GPR158: variants seen among roughly 807,000 people sequenced by gnomAD.
The protein encoded by GPR158 is metabotropic glycine receptor.
In GPR158, 30 loss-of-function variants were observed where a neutral mutation model predicts 78.2. The ratio of observed to expected loss-of-function variants is 0.38; its 90% confidence interval spans 0.29 to 0.52. The LOEUF is 0.52. Among genes scored for constraint, GPR158 ranks in the 20% least tolerant of loss-of-function variants. The probability of loss-of-function intolerance (pLI) is 0.83; values close to 1 mark genes in which losing one functional copy is unlikely to be tolerated. For synonymous variants in GPR158, 581 were observed against 591.1 expected, an observed-to-expected ratio of 0.98 and a Z score of 0.25; for missense variants, 1,463 against 1,523.5, an observed-to-expected ratio of 0.96 and a Z score of 0.66.
intron 1 of GPR158, among the ~76,000 whole-genome samples, chr10:25,185,415 G>A (rs942571338): frequency 2.6e-5 from 4 of 152,052 alleles, no homozygotes; most frequent in African/African-American, 9.7e-5. Flanking sequence ...ATGTCATCAG[G>A]GCTCAAAAAG....
At chr10:25,555,772 A>G (rs1382001791) in intron 6 of GPR158, among the ~76,000 whole-genome samples, 1 of 148,632 alleles carries the variant, frequency 6.7e-6, no homozygotes, top group Non-Finnish European at 1.5e-5. Flanking sequence ...TTTTTTTTGT[A>G]CTATGTTTCA....
intron 9 of GPR158, among the ~76,000 whole-genome samples, chr10:25,596,412 C>A (rs1291678385): frequency 6.6e-6 from 1 of 151,970 alleles, no homozygotes; most frequent in Admixed American, 6.6e-5. Context: ...CGTGCTATGA[C>A]CATGCCTGTG....
intron 2 of GPR158, among the ~76,000 whole-genome samples, chr10:25,361,522 A>G (rs143478637): frequency 2.6e-5 from 4 of 152,096 alleles, no homozygotes; most frequent in Admixed American, 2.0e-4. Flanking sequence ...ACTGTTTCCC[A>G]TAGTGCCGGC....
intron 6 of GPR158, among the ~76,000 whole-genome samples, chr10:25,572,147 C>A (rs893613399): frequency 6.6e-6 from 1 of 152,120 alleles, no homozygotes. Context: ...TGTTTGCCTA[C>A]GGATCTTTCT....
rs1000963748 is a variant in GPR158, at chr10:25,459,644, C to T, written c.1336-7007C>T. ...ATTTTAATTACTTCTAAAAATGCAGCCTTGAGCATTCTTCTCTTCTTATTA... is the reference window on the plus strand; with the variant it reads ...ATTTTAATTACTTCTAAAAATGCAGTCTTGAGCATTCTTCTCTTCTTATTA... On this transcript the variant is annotated intron_variant, in intron 4 of 10. Coordinates refer to ENST00000376351, the MANE Select transcript of GPR158 (RefSeq NM_020752.3). Among the ~76,000 whole-genome samples, 5 of 152,228 alleles carry T rather than the reference C, an allele frequency of 3.3e-5. No individual in the cohort carries two copies. The South Asian group carries it at 8.3e-4, about 25-fold the overall frequency.
chr10:25,400,729 G>C (rs991041446), intron 3 of GPR158, among the ~76,000 whole-genome samples: 5 of 152,152 alleles, frequency 3.3e-5, no homozygotes, highest in African/African-American at 1.2e-4. Flanking sequence ...TCTGTCTTCA[G>C]TGAAACTGCT....
chr10:25,260,754 C>T (rs1049487462), intron 2 of GPR158, among the ~76,000 whole-genome samples: 1 of 152,070 alleles, frequency 6.6e-6, no homozygotes. Flanking sequence ...CACTCAGGCT[C>T]TAGGTTAGCA....
At chr10:25,322,505 C>T (rs189574199) in intron 2 of GPR158, among the ~76,000 whole-genome samples, 94 of 152,290 alleles carry the variant, frequency 6.2e-4, no homozygotes, top group African/African-American at 1.5e-3. Context: ...AAATTTTGCT[C>T]GTAACTCCTG....
intron 4 of GPR158, among the ~76,000 whole-genome samples, chr10:25,428,972 C>A (rs979400247): frequency 8.6e-5 from 13 of 151,968 alleles, no homozygotes; most frequent in African/African-American, 3.1e-4. Context: ...TGCGTAGGGC[C>A]ATCTTTAGCG....
chr10:25,512,123 G>A (rs1025691857), intron 5 of GPR158, among the ~76,000 whole-genome samples: 2 of 152,094 alleles, frequency 1.3e-5, no homozygotes, highest in African/African-American at 4.8e-5. Flanking sequence ...ATCACTTTTG[G>A]CAGGATGGTC....
At chr10:25,538,017 A>C (rs1376015443) in intron 5 of GPR158, among the ~76,000 whole-genome samples, 1 of 152,210 alleles carries the variant, frequency 6.6e-6, no homozygotes, top group Non-Finnish European at 1.5e-5. Flanking sequence ...AGACTAATAC[A>C]CTGTCCATTT....
At chr10:25,217,849 T>C (rs991709101) in intron 1 of GPR158, among the ~76,000 whole-genome samples, 1 of 152,134 alleles carries the variant, frequency 6.6e-6, no homozygotes, top group Non-Finnish European at 1.5e-5. Flanking sequence ...TCCGATTTGC[T>C]ATATTTTCCA....
chr10:25,539,278 G>A (rs1321619653), intron 5 of GPR158, among the ~76,000 whole-genome samples: 1 of 152,142 alleles, frequency 6.6e-6, no homozygotes, highest in Non-Finnish European at 1.5e-5. Context: ...CTTCTGTTTA[G>A]CAAAAAGCTA....
chr10:25,521,785 C>CT lies in GPR158; in HGVS notation c.1405-29190dup, dbSNP rs541617771. Among the ~76,000 whole-genome samples, 74 of 152,270 alleles carry CT rather than the reference C, an allele frequency of 4.9e-4. 1 individual carries two copies. In the South Asian group the frequency reaches 0.015, roughly 32 times the overall value. ...GCACACATCAAATGACTTTAGTAGACTGTTATCTTGCTGATGGTATGAAAG... is the reference window on the plus strand; with the variant it reads ...GCACACATCAAATGACTTTAGTAGACTTGTTATCTTGCTGATGGTATGAAAG... On this transcript the variant is annotated intron_variant, in intron 5 of 10. Coordinates refer to ENST00000376351, the MANE Select transcript of GPR158 (RefSeq NM_020752.3).
At chr10:25,389,970 CT>C (rs1184592354) in intron 2 of GPR158, among the ~76,000 whole-genome samples, 1 of 152,178 alleles carries the variant, frequency 6.6e-6, no homozygotes, top group Non-Finnish European at 1.5e-5. Context: ...TTTTTCCATG[CT>C]GTTCTCATGA....
At chr10:25,460,489 C>G (rs976786348) in intron 4 of GPR158, among the ~76,000 whole-genome samples, 1 of 152,110 alleles carries the variant, frequency 6.6e-6, no homozygotes, top group African/African-American at 2.4e-5. Flanking sequence ...GCCACCATGC[C>G]CAGCCTAAAA....
chr10:25,239,094 G>A (rs1853569582), intron 2 of GPR158, among the ~76,000 whole-genome samples: 1 of 152,166 alleles, frequency 6.6e-6, no homozygotes, highest in Non-Finnish European at 1.5e-5. Context: ...GAGAGTACAT[G>A]GAGTGAAGAA....
Position 25,425,610 on chromosome 10 carries a change from G to T in GPR158, c.1335+13137G>T, listed in dbSNP as rs75138447. ...AAAGAAATAATTAGCAGAGTAAACG[G>T]CCCATGGAGTGGGAGAAAATCTTCA... On this transcript the variant is annotated intron_variant, in intron 4 of 10. Transcript: ENST00000376351. 7.9e-3 allele frequency among the ~76,000 whole-genome samples: 1,201 copies of T among 151,338 alleles called. 16 individuals are homozygous for T. Among genetic ancestry groups the T allele is most frequent in the African/African-American group, 0.028 (1,156 of 40,762 alleles).
rs1333252925 is a variant in GPR158, at chr10:25,175,225, C to T, written c.-196C>T. 1 of 516,164 alleles carries T rather than the reference C, an allele frequency of 1.9e-6. No homozygotes were observed. Among genetic ancestry groups the T allele is most frequent in the Non-Finnish European group, 3.4e-6 (1 of 294,690 alleles). The allele number at this position is 516,164 out of a possible 1,614,324, so 32.0% of individuals were successfully genotyped here. On this transcript the variant is annotated 5_prime_UTR_variant, in exon 1 of 11. Transcript: ENST00000376351. The surrounding 1 kb of genome is among the most constrained non-coding windows in gnomAD (Gnocchi z 6.4). ...GCACGGCCAGCGCTGCCACAGGTGA[C>T]TTGATTTCTGCGACGGTAGCTTAGC...
Sources: gnomAD v4.1 joint callset for allele counts (sites outside exome capture counted in the v4.1 genomes callset) on GRCh38, gnomAD v4.1.1 for gene constraint, Gnocchi (gnomAD v3.1) non-coding constraint, MANE v1.5 for transcripts, NCBI Gene and HGNC (gene_info 2026-07-23, HGNC 2026-07-21) for gene names.